Variants in ANKRD55 observed in about 807,000 individuals in gnomAD.
ANKRD55 encodes the protein ankyrin repeat domain-containing protein 55.
ANKRD55 carries 41 observed loss-of-function variants against 60.6 expected under a neutral mutation model. That is an observed-to-expected ratio of 0.68 (90% CI 0.53 to 0.88). The LOEUF (loss-of-function observed/expected upper bound fraction) is 0.88, where lower values mean the gene tolerates loss of function less well. Ranked by LOEUF, ANKRD55 falls within the 40% of genes least tolerant of loss-of-function variation. The pLI, the probability that ANKRD55 is intolerant of heterozygous loss-of-function variation, is 0.00. For missense variants in ANKRD55, 732 were observed against 767.6 expected (o/e 0.95, Z 0.55); for synonymous variants, 264 against 290.3 (o/e 0.91, Z 0.92).
At chr5:56,121,503 G>T (rs776563111) in intron 8 of ANKRD55, among the ~76,000 whole-genome samples, 5 of 151,552 alleles carry the variant, frequency 3.3e-5, no homozygotes, top group Admixed American at 1.3e-4. Flanking sequence ...CTCCCGAGTA[G>T]CTGGGACTAC....
At chr5:56,125,156 G>A (rs1757204637) in intron 8 of ANKRD55, among the ~76,000 whole-genome samples, 3 of 152,116 alleles carry the variant, frequency 2.0e-5, no homozygotes, top group African/African-American at 7.2e-5. Context: ...CTGCCTTTCT[G>A]AAATTTGTTC....
intron 5 of ANKRD55, among the ~76,000 whole-genome samples, chr5:56,162,544 G>C (rs903755534): frequency 9.2e-5 from 14 of 152,072 alleles, no homozygotes; most frequent in African/African-American, 3.4e-4. Context: ...GAAGTTTCCA[G>C]TAACAGCCCC....
intron 2 of ANKRD55, among the ~76,000 whole-genome samples, chr5:56,229,771 T>C (rs1430737816): frequency 6.6e-6 from 1 of 152,126 alleles, no homozygotes; most frequent in Non-Finnish European, 1.5e-5. Context: ...TGAGCCAGAG[T>C]CAGTGCTAGG....
At chr5:56,105,214 G>A (rs1185115341) in intron 10 of ANKRD55, among the ~76,000 whole-genome samples, 2 of 151,940 alleles carry the variant, frequency 1.3e-5, no homozygotes, top group African/African-American at 4.8e-5. Flanking sequence ...AGCCTCCTGA[G>A]TAGCTGGAAC....
chr5:56,224,732 G>C (rs1159788667), intron 2 of ANKRD55, among the ~76,000 whole-genome samples: 4 of 152,042 alleles, frequency 2.6e-5, no homozygotes, highest in Admixed American at 1.3e-4. Flanking sequence ...AGACAATCTA[G>C]AAGAAATGGA....
chr5:56,219,984 TAGAGATGAC>T (rs1379243013), intron 2 of ANKRD55, among the ~76,000 whole-genome samples: 1 of 152,116 alleles, frequency 6.6e-6, no homozygotes, highest in Non-Finnish European at 1.5e-5. Context: ...GGTTAGTGAG[TAGAGATGAC>T]AGGAAGAGCT....
intron 4 of ANKRD55, among the ~76,000 whole-genome samples, chr5:56,174,986 C>T (rs1381029846): frequency 1.3e-5 from 2 of 152,150 alleles, no homozygotes; most frequent in Non-Finnish European, 2.9e-5. Context: ...TGAATAAGTT[C>T]TGATAACCCT....
chr5:56,102,494 A>C lies in ANKRD55; in HGVS notation c.1723T>G (p.Phe575Val), dbSNP rs1287887737. 1 of 1,604,036 alleles carries C rather than the reference A, an allele frequency of 6.2e-7. No homozygotes were observed. Among genetic ancestry groups the C allele is most frequent in the African/African-American group, 1.3e-5 (1 of 74,604 alleles). The change falls in exon 11 of 12, where the codon TTT becomes GTT. Residue 575 changes from phenylalanine to valine, a missense_variant and splice_region_variant. By Grantham distance (50) the Phe-to-Val change is conservative. Transcript: ENST00000341048. ...NNLAPLPDQK[F>V]LSGEPLRTNR... is the part of the protein sequence containing the mutation. ...GCTGCGGAAGATTCATAATACTTAC[A>C]TTTTTGATCTGGTAGGGGAGCTAGG...
chr5:56,104,112 T>C (rs546266014), intron 10 of ANKRD55, among the ~76,000 whole-genome samples: 110 of 152,372 alleles, frequency 7.2e-4, no homozygotes, highest in African/African-American at 2.5e-3. Flanking sequence ...CCATGAACAC[T>C]TGAGCAGAAA....
At chr5:56,126,835 G>A (rs1026195871) in intron 8 of ANKRD55, 87 bp downstream of exon 8, 8 of 1,437,262 alleles carry the variant, frequency 5.6e-6, no homozygotes, top group Non-Finnish European at 7.6e-6. Flanking sequence ...AGCTGTATAG[G>A]ACACCTCCTT....
At position 56,102,502 on chromosome 5, in the gene ANKRD55, T is replaced by G; in HGVS notation, c.1715A>C (p.Asp572Ala). ...FTRNNLAPLP[D>A]QKFLSGEPLR... ...AGATTCATAATACTTACATTTTTGA[T>G]CTGGTAGGGGAGCTAGGTTGTTCCG... The change falls in exon 11 of 12, where the codon GAT (aspartate) becomes GCT (alanine). Residue 572 changes from aspartate to alanine, a missense_variant. Transcript: ENST00000341048. 1.9e-6 allele frequency: 3 copies of G among 1,609,792 alleles called. No homozygotes were observed. In the South Asian group the frequency reaches 3.3e-5, roughly 18 times the overall value.
intron 6 of ANKRD55, among the ~76,000 whole-genome samples, chr5:56,155,049 T>C (rs1758157599): frequency 6.6e-6 from 1 of 151,810 alleles, no homozygotes; most frequent in South Asian, 2.1e-4. Context: ...CTGGGCAACA[T>C]AGGAAGACCC....
At chr5:56,130,333 T>C (rs1757375905) in intron 7 of ANKRD55, among the ~76,000 whole-genome samples, 4 of 152,190 alleles carry the variant, frequency 2.6e-5, no homozygotes. Flanking sequence ...CATCTAGCTC[T>C]AGCTTTCCAC....
chr5:56,167,920 C>A (rs932351280), intron 5 of ANKRD55, among the ~76,000 whole-genome samples: 16 of 152,190 alleles, frequency 1.1e-4, no homozygotes, highest in African/African-American at 3.9e-4. Context: ...AGAGAATGAA[C>A]CTAATCAACT....
intron 9 of ANKRD55, among the ~76,000 whole-genome samples, chr5:56,113,237 A>G (rs894301336): frequency 1.3e-5 from 2 of 152,126 alleles, no homozygotes; most frequent in Non-Finnish European, 2.9e-5. Flanking sequence ...ATAACATCAC[A>G]ACGTTATTTG....
At chr5:56,192,116 C>CCT (rs59932527) in intron 2 of ANKRD55, among the ~76,000 whole-genome samples, 65 of 150,358 alleles carry the variant, frequency 4.3e-4, no homozygotes, top group Middle Eastern at 3.5e-3. Flanking sequence ...TCCTATTGCT[C>CCT]CTCTCTCTCT....
intron 2 of ANKRD55, among the ~76,000 whole-genome samples, chr5:56,214,602 T>A (rs1468137836): frequency 6.6e-6 from 1 of 152,126 alleles, no homozygotes; most frequent in Non-Finnish European, 1.5e-5. Context: ...GGGATCTGAG[T>A]GTCCAATCAG....
At chr5:56,166,161 C>CTTTCTTT (rs1208005252) in intron 5 of ANKRD55, among the ~76,000 whole-genome samples, 321 of 23,460 alleles carry the variant, frequency 0.014, 11 homozygotes, top group Non-Finnish European at 0.019. Context: ...TTTCTTCTTT[C>CTTTCTTT]CTTCCTTCCT....
intron 7 of ANKRD55, among the ~76,000 whole-genome samples, chr5:56,141,283 A>G (rs1757759199): frequency 6.6e-6 from 1 of 151,938 alleles, no homozygotes; most frequent in Non-Finnish European, 1.5e-5. Flanking sequence ...TATTTTTTTT[A>G]AGAGCCCAGG....
Sources: gnomAD v4.1 joint callset for allele counts (sites outside exome capture counted in the v4.1 genomes callset) on GRCh38, gnomAD v4.1.1 for gene constraint, MANE v1.5 for transcripts, NCBI Gene and HGNC (gene_info 2026-07-23, HGNC 2026-07-21) for gene names.